The following DIS3L2 variants were observed in gnomAD, a reference collection of about 807,000 sequenced individuals.
DIS3L2 encodes the protein DIS3-like exonuclease 2.
DIS3L2 carries 34 observed loss-of-function variants against 97.5 expected under a neutral mutation model. The observed-to-expected ratio is 0.35, with a 90% CI of 0.27 to 0.46. The LOEUF is 0.46. Among genes scored for constraint, DIS3L2 ranks in the 20% least tolerant of loss-of-function variants. DIS3L2 has a pLI of 1.00. For synonymous variants in DIS3L2, 435 were observed against 445.2 expected, an observed-to-expected ratio of 0.98 and a Z score of 0.29; for missense variants, 1,038 against 1,146.0, an observed-to-expected ratio of 0.91 and a Z score of 1.36.
intron 10 of DIS3L2, among the ~76,000 whole-genome samples, chr2:232,235,147 C>A (rs373896126): frequency 6.6e-6 from 1 of 152,180 alleles, no homozygotes; most frequent in Non-Finnish European, 1.5e-5. Context: ...CCCGGCTGCC[C>A]GGGGGATCCT....
intron 5 of DIS3L2, among the ~76,000 whole-genome samples, chr2:232,070,680 G>C (rs185439805): frequency 9.2e-5 from 14 of 151,980 alleles, no homozygotes; most frequent in African/African-American, 3.1e-4. Flanking sequence ...CACCTCCCGG[G>C]TTCAAGTGAT....
At chr2:231,976,168 A>G (rs1302187871) in intron 1 of DIS3L2, among the ~76,000 whole-genome samples, 2 of 152,146 alleles carry the variant, frequency 1.3e-5, no homozygotes, top group African/African-American at 4.8e-5. Context: ...GTTGGCTTTT[A>G]GTGTACCCAT....
intron 10 of DIS3L2, among the ~76,000 whole-genome samples, chr2:232,236,977 T>G (rs1692949070): frequency 6.6e-6 from 1 of 152,192 alleles, no homozygotes; most frequent in Non-Finnish European, 1.5e-5. Flanking sequence ...CTCAAACTCC[T>G]GGCCTCAAGT....
rs1692992970 is a variant in DIS3L2, at chr2:232,238,452, AT to A, written c.1205-80del. ...AGGTCCTGTGGCCTCTGGGAGTGAC[AT>A]ACATTCTAGGAAAGGACTCCTGGGA... is the stretch of plus-strand genomic sequence containing the variant. On this transcript the variant is annotated intron_variant, in intron 10 of 20. Transcript: ENST00000325385. 4 of 1,190,442 alleles carry A rather than the reference AT, an allele frequency of 3.4e-6. No homozygotes were observed. The Admixed American group carries it at 7.5e-5, about 22-fold the overall frequency. The allele number at this position is 1,190,442 out of a possible 1,614,324, so 73.7% of individuals were successfully genotyped here.
intron 9 of DIS3L2, among the ~76,000 whole-genome samples, chr2:232,182,930 A>G (rs1466818067): frequency 1.3e-5 from 2 of 152,092 alleles, no homozygotes; most frequent in Admixed American, 6.5e-5. Flanking sequence ...ACTTTTTTGA[A>G]CTAAGTCTTT....
intron 11 of DIS3L2, among the ~76,000 whole-genome samples, chr2:232,246,018 A>G (rs371478076): frequency 5.9e-5 from 9 of 152,348 alleles, no homozygotes; most frequent in South Asian, 2.1e-4. Flanking sequence ...AGTGCCTACC[A>G]TGCATCAGGT....
chr2:232,089,766 GT>G (rs1319956517), intron 6 of DIS3L2, among the ~76,000 whole-genome samples: 1 of 152,192 alleles, frequency 6.6e-6, no homozygotes, highest in African/African-American at 2.4e-5. Context: ...TCTCTCATTA[GT>G]GGTTGGTACA....
At chr2:232,141,397 A>C (rs1454584675) in intron 8 of DIS3L2, among the ~76,000 whole-genome samples, 1 of 152,182 alleles carries the variant, frequency 6.6e-6, no homozygotes, top group Non-Finnish European at 1.5e-5. Flanking sequence ...AGCTGAAGAT[A>C]TGTGACATGA....
intron 1 of DIS3L2, among the ~76,000 whole-genome samples, chr2:231,969,150 T>C (rs552484725): frequency 3.7e-4 from 56 of 152,280 alleles, no homozygotes; most frequent in Non-Finnish European, 8.1e-4. Flanking sequence ...GTCTTGGGTA[T>C]TTCTATCAGT....
At chr2:232,112,460 A>G (rs1215062151) in intron 6 of DIS3L2, among the ~76,000 whole-genome samples, 1 of 152,164 alleles carries the variant, frequency 6.6e-6, no homozygotes, top group Non-Finnish European at 1.5e-5. Flanking sequence ...TTAAGAGGAG[A>G]GACCATAACA....
chr2:232,225,605 G>A (rs1692623096), intron 10 of DIS3L2, among the ~76,000 whole-genome samples: 1 of 152,142 alleles, frequency 6.6e-6, no homozygotes, highest in East Asian at 1.9e-4. Context: ...AAAGCTTCTG[G>A]AATTCTGCAT....
rs1263462101 is a variant in DIS3L2, at chr2:231,997,901, T to C, written c.-93-16934T>C. Among the ~76,000 whole-genome samples, 3 of 152,234 alleles carry C rather than the reference T, an allele frequency of 2.0e-5. No homozygotes were observed. The East Asian group carries it at 5.8e-4, about 29-fold the overall frequency. On this transcript the variant is annotated intron_variant, in intron 1 of 20. Transcript: ENST00000325385. ...TTAACATTGATATACCATTAGCCAG[T>C]AGATTTTATTCAAATTCCCCAATCA...
At chr2:232,080,457 A>G (rs1696353719) in intron 5 of DIS3L2, among the ~76,000 whole-genome samples, 3 of 152,228 alleles carry the variant, frequency 2.0e-5, no homozygotes, top group South Asian at 2.1e-4. Flanking sequence ...GGATGGATCC[A>G]TCATTTCATC....
chr2:232,008,729 CT>C (rs1694117444), intron 1 of DIS3L2, among the ~76,000 whole-genome samples: 2 of 152,114 alleles, frequency 1.3e-5, no homozygotes. Context: ...GAATTTTCCC[CT>C]GGTGCCAAAG....
intron 1 of DIS3L2, among the ~76,000 whole-genome samples, chr2:231,971,879 C>T (rs1166478129): frequency 6.6e-6 from 1 of 151,198 alleles, no homozygotes; most frequent in East Asian, 2.0e-4. Context: ...CCACGCCCGG[C>T]CCATCTTTTT....
chr2:232,284,559 TTGATCA>T (rs1207470903), intron 13 of DIS3L2, among the ~76,000 whole-genome samples: 8 of 152,260 alleles, frequency 5.3e-5, no homozygotes, highest in Non-Finnish European at 1.0e-4. Context: ...TTCTCTGCTT[TTGATCA>T]TTTATTCCTT....
chr2:232,316,842 A>G (rs1478897238), intron 14 of DIS3L2, among the ~76,000 whole-genome samples: 2 of 152,252 alleles, frequency 1.3e-5, no homozygotes, highest in Non-Finnish European at 2.9e-5. Context: ...TCTTTGGTGT[A>G]GATAAAAGAT....
intron 10 of DIS3L2, among the ~76,000 whole-genome samples, chr2:232,218,561 A>G (rs1692410566): frequency 6.6e-6 from 1 of 152,098 alleles, no homozygotes. Context: ...CAAACTTGGG[A>G]GTTTCCTGGG....
chr2:232,080,188 G>A (rs1484411880), intron 5 of DIS3L2, among the ~76,000 whole-genome samples: 1 of 152,174 alleles, frequency 6.6e-6, no homozygotes, highest in Non-Finnish European at 1.5e-5. Flanking sequence ...ATGAGAGGGA[G>A]AGGGTCAAGG....
Sources: allele counts gnomAD v4.1 joint callset (sites outside exome capture counted in the v4.1 genomes callset), GRCh38; gene constraint gnomAD v4.1.1; transcripts MANE v1.5; gene names NCBI Gene and HGNC (gene_info 2026-07-23, HGNC 2026-07-21).